The following FNDC3A variants were observed in gnomAD, a reference collection of about 807,000 sequenced individuals.
FNDC3A encodes fibronectin type III domain containing 3A.
In FNDC3A, 32 loss-of-function variants were observed where a neutral mutation model predicts 148.9. The observed-to-expected ratio is 0.21, with a 90% confidence interval of 0.16 to 0.29. The LOEUF (loss-of-function observed/expected upper bound fraction) is 0.29, where lower values mean the gene tolerates loss of function less well. FNDC3A is among the 10% of genes least tolerant of loss of function. The pLI, the probability that FNDC3A is intolerant of heterozygous loss-of-function variation, is 1.00. For synonymous variants in FNDC3A, 472 were observed against 473.6 expected, an observed-to-expected ratio of 1.00 and a Z score of 0.04; for missense variants, 1,191 against 1,452.8, an observed-to-expected ratio of 0.82 and a Z score of 2.93.
intron 3 of FNDC3A, among the ~76,000 whole-genome samples, chr13:49,113,285 T>A (rs886910663): frequency 2.9e-5 from 4 of 136,586 alleles, no homozygotes; most frequent in Admixed American, 7.7e-5. Flanking sequence ...CTTTCCCCAC[T>A]TTCCTTACCC....
At chr13:49,073,812 T>C (rs1877900980) in intron 2 of FNDC3A, among the ~76,000 whole-genome samples, 1 of 147,118 alleles carries the variant, frequency 6.8e-6, no homozygotes, top group African/African-American at 2.5e-5. Context: ...ATATATATTA[T>C]ATATGTGTAT....
In FNDC3A at chr13:49,197,867, G is replaced by A; in HGVS notation, c.2483G>A (p.Arg828Lys). Reference sequence around the variant, plus strand: ...TCACCAGCAACTACCTATTATTGCAGGGTCCAGGTAAAGATGATCAGTACC... The same window carrying A: ...TCACCAGCAACTACCTATTATTGCAAGGTCCAGGTAAAGATGATCAGTACC... ...GLSPATTYYC[R>K]VQALSVVGAG... The change falls in exon 21 of 26, where the codon AGG (arginine) becomes AAG (lysine). Residue 828 changes from arginine to lysine, a missense_variant. By Grantham distance (26) the Arg-to-Lys change is conservative. Transcript: ENST00000492622. The A allele has an allele frequency of 6.2e-7, 1 of 1,602,352 alleles. No homozygotes were observed. The highest frequency in any genetic ancestry group is 8.5e-7 in the Non-Finnish European group (1 of 1,177,326).
intron 7 of FNDC3A, among the ~76,000 whole-genome samples, chr13:49,144,896 T>A (rs2137965090): frequency 6.6e-6 from 1 of 152,316 alleles, no homozygotes; most frequent in Non-Finnish European, 1.5e-5. Context: ...AGCACCTGTA[T>A]ATTGAGGAAA....
intron 1 of FNDC3A, among the ~76,000 whole-genome samples, chr13:49,000,984 G>T (rs1005077016): frequency 5.3e-5 from 8 of 151,998 alleles, no homozygotes; most frequent in Non-Finnish European, 1.2e-4. Flanking sequence ...GTGTGTGTGT[G>T]TAATCTTTAG....
intron 13 of FNDC3A, among the ~76,000 whole-genome samples, chr13:49,176,074 C>T (rs1327226413): frequency 6.6e-6 from 1 of 152,142 alleles, no homozygotes; most frequent in East Asian, 1.9e-4. Flanking sequence ...TTTCGATGTG[C>T]TGCTGGATTC....
intron 1 of FNDC3A, among the ~76,000 whole-genome samples, chr13:49,001,005 C>T (rs1034441434): frequency 1.3e-5 from 2 of 151,256 alleles, no homozygotes; most frequent in Non-Finnish European, 2.9e-5. Context: ...GGTTTTCTAC[C>T]TATAAGATTA....
rs138224370 is a variant in FNDC3A at position 49,103,576 on chromosome 13, G to A, written c.176-11079G>A. On this transcript the variant is annotated intron_variant, in intron 3 of 25. Coordinates refer to ENST00000492622, the MANE Select transcript of FNDC3A (RefSeq NM_001079673.2). ...AGATGTATCAATTGCTAGGGACTGG[G>A]GGCAAGGAGACCCATTAGGAGAATA... is the stretch of plus-strand genomic sequence containing the variant. 9.0e-3 allele frequency among the ~76,000 whole-genome samples: 1,367 copies of A among 152,302 alleles called. 14 individuals are homozygous for A. The highest frequency in any genetic ancestry group is 0.024 in the Middle Eastern group (7 of 294).
At chr13:49,095,879 C>G (rs1479957979) in intron 3 of FNDC3A, among the ~76,000 whole-genome samples, 1 of 152,040 alleles carries the variant, frequency 6.6e-6, no homozygotes, top group East Asian at 1.9e-4. Flanking sequence ...CTGTCATTTA[C>G]ATGCTTTTGT....
intron 7 of FNDC3A, among the ~76,000 whole-genome samples, chr13:49,144,011 CTGCTACTACTACTACTACTACTAA>C: frequency 6.8e-6 from 1 of 147,080 alleles, no homozygotes; most frequent in African/African-American, 2.5e-5. Context: ...ACTACTACTA[CTGCTACTACTACTACTACTACTAA>C]TAATAATAAT....
chr13:49,093,286 A>T (rs1328016901), intron 3 of FNDC3A, among the ~76,000 whole-genome samples: 1 of 152,234 alleles, frequency 6.6e-6, no homozygotes, highest in African/African-American at 2.4e-5. Context: ...TTAGGCATAT[A>T]ACAATAGAAT....
At chr13:49,005,642 T>C (rs956589795) in intron 1 of FNDC3A, among the ~76,000 whole-genome samples, 5 of 151,922 alleles carry the variant, frequency 3.3e-5, no homozygotes, top group Non-Finnish European at 5.9e-5. Context: ...TTTTTACCAT[T>C]GTGTTTTGTC....
At chr13:49,064,445 C>G (rs1877126218) in intron 2 of FNDC3A, among the ~76,000 whole-genome samples, 1 of 116,490 alleles carries the variant, frequency 8.6e-6, no homozygotes, top group African/African-American at 3.3e-5. Flanking sequence ...GTTCACCTAG[C>G]AAGCAACAAA....
intron 19 of FNDC3A, among the ~76,000 whole-genome samples, chr13:49,192,689 T>C (rs1048666991): frequency 6.6e-6 from 1 of 152,224 alleles, no homozygotes; most frequent in Non-Finnish European, 1.5e-5. Flanking sequence ...CTCACAAGGC[T>C]GCAGTACACT....
At chr13:49,168,386 A>G (rs1349063202) in intron 9 of FNDC3A, among the ~76,000 whole-genome samples, 1 of 152,104 alleles carries the variant, frequency 6.6e-6, no homozygotes, top group African/African-American at 2.4e-5. Context: ...ATATATGCAC[A>G]CTCACAGTTA....
At position 49,034,545 on chromosome 13, in the gene FNDC3A, C is replaced by T. The variant is rs374408542; in HGVS notation, c.99+28256C>T. ...ATCCTATTACGTTGTGAGATACTGT[C>T]CTAATTGTTTTAATTCTAAATTGCA... On this transcript the variant is annotated intron_variant, in intron 2 of 25. Transcript: ENST00000492622. 5.3e-3 allele frequency among the ~76,000 whole-genome samples: 799 copies of T among 151,988 alleles called. 6 individuals carry two copies. The highest frequency in any genetic ancestry group is 0.018 in the African/African-American group (762 of 41,510).
At chr13:49,074,059 C>T (rs1218169352) in intron 2 of FNDC3A, among the ~76,000 whole-genome samples, 1 of 151,776 alleles carries the variant, frequency 6.6e-6, no homozygotes, top group Non-Finnish European at 1.5e-5. Context: ...AGAGGGCATT[C>T]GAAGTAGTAT....
chr13:49,196,759 T>G (rs1886175154), intron 19 of FNDC3A, 118 bp from the exon 20 acceptor site: 2 of 513,096 alleles, frequency 3.9e-6, no homozygotes, highest in Admixed American at 7.5e-5. Flanking sequence ...TATGACCAAA[T>G]TAATCTTGAA....
intron 8 of FNDC3A, among the ~76,000 whole-genome samples, chr13:49,161,628 G>C (rs560601765): frequency 1.3e-4 from 20 of 152,068 alleles, no homozygotes; most frequent in Non-Finnish European, 2.4e-4. Context: ...ATTGTTATGC[G>C]TGAATTTGAT....
intron 2 of FNDC3A, among the ~76,000 whole-genome samples, chr13:49,017,379 T>C (rs1332561018): frequency 6.6e-6 from 1 of 152,212 alleles, no homozygotes; most frequent in African/African-American, 2.4e-5. Context: ...TCTCTTTTGA[T>C]CTTTGTTGGT....
Sources: gnomAD v4.1 joint callset for allele counts (sites outside exome capture counted in the v4.1 genomes callset) on GRCh38, gnomAD v4.1.1 for gene constraint, MANE v1.5 for transcripts, NCBI Gene and HGNC (gene_info 2026-07-23, HGNC 2026-07-21) for gene names.